The following CYRIB variants were observed in gnomAD, a reference collection of about 807,000 sequenced individuals.
CYRIB encodes the protein CYFIP-related Rac1 interactor B.
CYRIB carries 8 observed loss-of-function variants against 44.2 expected under a neutral mutation model. The ratio of observed to expected loss-of-function variants is 0.18; its 90% CI spans 0.11 to 0.33. The LOEUF is 0.33. Ranked by LOEUF, CYRIB falls within the 10% of genes least tolerant of loss-of-function variation. The pLI, the probability that CYRIB is intolerant of heterozygous loss-of-function variation, is 1.00. For synonymous variants in CYRIB, 131 were observed against 127.2 expected (o/e 1.03, Z -0.20); for missense variants, 185 against 382.8 (o/e 0.48, Z 4.31).
chr8:129,882,185 C>T (rs954980390), intron 2 of CYRIB, among the ~76,000 whole-genome samples: 3 of 152,146 alleles, frequency 2.0e-5, no homozygotes, highest in Non-Finnish European at 4.4e-5. Flanking sequence ...AGGAAAAAGG[C>T]AGCACACCAT....
intron 1 of CYRIB, among the ~76,000 whole-genome samples, chr8:129,916,286 C>A (rs2136685954): frequency 6.6e-6 from 1 of 152,292 alleles, no homozygotes; most frequent in East Asian, 1.9e-4. Context: ...CTGCAATAAT[C>A]TCCTAAATGG....
intron 1 of CYRIB, among the ~76,000 whole-genome samples, chr8:129,999,451 C>T (rs538126086): frequency 5.3e-5 from 8 of 152,348 alleles, no homozygotes; most frequent in Middle Eastern, 3.4e-3. Context: ...GGCCCACGTG[C>T]GCCACGCACC....
chr8:129,987,758 G>C (rs535765411), intron 1 of CYRIB, among the ~76,000 whole-genome samples: 1 of 152,046 alleles, frequency 6.6e-6, no homozygotes, highest in African/African-American at 2.4e-5. Context: ...TTTGAGAAGA[G>C]ATGGGGTTTC....
chr8:129,916,869 A>G (rs1466263029), intron 1 of CYRIB, among the ~76,000 whole-genome samples: 1 of 152,244 alleles, frequency 6.6e-6, no homozygotes, highest in Non-Finnish European at 1.5e-5. Context: ...ATATAGGTAG[A>G]AAAGTTTTAG....
intron 1 of CYRIB, among the ~76,000 whole-genome samples, chr8:129,931,656 T>A (rs2091421873): frequency 6.6e-6 from 1 of 152,152 alleles, no homozygotes; most frequent in Non-Finnish European, 1.5e-5. Context: ...AGACAGAGTC[T>A]CCCTCTGTCA....
chr8:129,939,957 C>G (rs2093533152), upstream of CYRIB: 1 of 152,220 alleles, frequency 6.6e-6, no homozygotes. Context: ...CTCATCCCCG[C>G]CCCTCCCGAA....
chr8:130,013,326 G>A (rs1006726751), intron 1 of CYRIB, among the ~76,000 whole-genome samples: 5 of 152,134 alleles, frequency 3.3e-5, no homozygotes, highest in Non-Finnish European at 7.4e-5. Context: ...CCATGCACAC[G>A]AGCAGTGAGA....
chr8:129,933,720 T>C (rs1021078434), intron 1 of CYRIB, among the ~76,000 whole-genome samples: 1 of 151,790 alleles, frequency 6.6e-6, no homozygotes, highest in East Asian at 1.9e-4. Flanking sequence ...AGTGAAAATA[T>C]AAAATTAGCT....
intron 1 of CYRIB, among the ~76,000 whole-genome samples, chr8:129,998,139 C>CA (rs1035969572): frequency 7.9e-6 from 1 of 126,578 alleles, no homozygotes; most frequent in Non-Finnish European, 1.6e-5. Context: ...AAAAAAAAAA[C>CA]AAAAAAAACA....
chr8:129,937,035 G>GA (rs1438414793), intron 1 of CYRIB, among the ~76,000 whole-genome samples: 4 of 152,202 alleles, frequency 2.6e-5, no homozygotes, highest in South Asian at 4.1e-4. Flanking sequence ...CAAGATACCT[G>GA]AAAAAACTAC....
intron 1 of CYRIB, among the ~76,000 whole-genome samples, chr8:129,924,547 A>AT (rs999376753): frequency 6.6e-6 from 1 of 152,098 alleles, no homozygotes; most frequent in African/African-American, 2.4e-5. Flanking sequence ...ATAAAAAACA[A>AT]TTTTTTGTCC....
intron 3 of CYRIB, among the ~76,000 whole-genome samples, chr8:129,871,975 T>C (rs2057395691): frequency 6.6e-6 from 1 of 152,166 alleles, no homozygotes; most frequent in Non-Finnish European, 1.5e-5. Context: ...TGACTGAGTT[T>C]TGATATAAAA....
In CYRIB at chr8:129,879,481, C is replaced by G; in HGVS notation, c.-10-10G>C. ...CCCCATGTTAAGGTACCTGTCAAGA[C>G]AAGAATGAGAAAAGAGAAAATATCC... is the stretch of plus-strand genomic sequence containing the variant. On this transcript the variant is annotated splice_polypyrimidine_tract_variant and intron_variant, in intron 2 of 11. Transcript: ENST00000519824. The G allele has an allele frequency of 6.3e-7, 1 of 1,577,188 alleles. No homozygotes were observed. The highest frequency in any genetic ancestry group is 8.6e-7 in the Non-Finnish European group (1 of 1,161,750).
intron 1 of CYRIB, chr8:129,912,572 T>G (rs899549328): frequency 6.6e-6 from 1 of 152,058 alleles, no homozygotes; most frequent in Admixed American, 6.6e-5. Context: ...ACAGATGCAC[T>G]CTGGGGTTGG....
intron 4 of CYRIB, among the ~76,000 whole-genome samples, chr8:129,867,051 C>T (rs776410198): frequency 2.6e-5 from 4 of 152,154 alleles, no homozygotes; most frequent in Non-Finnish European, 5.9e-5. Flanking sequence ...CACTTTGGGA[C>T]GCTGAGACAG....
At chr8:129,859,531 G>A (rs1230948060) in intron 5 of CYRIB, among the ~76,000 whole-genome samples, 1 of 152,080 alleles carries the variant, frequency 6.6e-6, no homozygotes, top group African/African-American at 2.4e-5. Context: ...TTGACACTGA[G>A]GCTACCGCTA....
At chr8:129,994,698 G>A (rs1049603340) in intron 1 of CYRIB, among the ~76,000 whole-genome samples, 6 of 152,200 alleles carry the variant, frequency 3.9e-5, no homozygotes, top group Admixed American at 6.5e-5. Flanking sequence ...ATGGAACATC[G>A]ACAACAGAAA....
intron 1 of CYRIB, among the ~76,000 whole-genome samples, chr8:129,912,887 T>C (rs920957103): frequency 6.6e-6 from 1 of 152,098 alleles, no homozygotes; most frequent in African/African-American, 2.4e-5. Context: ...CTGTTAAAGT[T>C]ATCTCTACTG....
At chr8:129,928,666 AAAAAAAG>A (rs1000141827) in intron 1 of CYRIB, among the ~76,000 whole-genome samples, 13 of 152,098 alleles carry the variant, frequency 8.5e-5, no homozygotes, top group African/African-American at 2.4e-4. Flanking sequence ...TCTTTAAAAA[AAAAAAAG>A]AAAAAAGAAA....
Sources: gnomAD v4.1 joint callset for allele counts (sites outside exome capture counted in the v4.1 genomes callset) on GRCh38, gnomAD v4.1.1 for gene constraint, MANE v1.5 for transcripts, NCBI Gene and HGNC (gene_info 2026-07-23, HGNC 2026-07-21) for gene names.